The following NBPF15 variants were observed in gnomAD, a reference collection of about 807,000 sequenced individuals.
NBPF15 encodes NBPF member 15.
Under a neutral mutation model 62.2 loss-of-function variants are expected in NBPF15, and 74 were observed. That is an observed-to-expected ratio of 1.19 (90% CI 0.99 to 1.44). NBPF15 has a LOEUF of 1.44. Among genes scored for constraint, NBPF15 ranks in the 40% most tolerant of loss-of-function variants. NBPF15 has a pLI of 0.00. For missense variants in NBPF15, 790 were observed against 550.0 expected (o/e 1.44, Z -4.36); for synonymous variants, 244 against 209.7 (o/e 1.16, Z -1.41).
intron 6 of NBPF15, among the ~76,000 whole-genome samples, chr1:144,446,455 T>A (rs587718151): frequency 6.6e-6 from 1 of 152,430 alleles, no homozygotes; most frequent in East Asian, 1.9e-4. Flanking sequence ...TCTAGTATAA[T>A]GCTGAATTAA....
At position 144,439,928 on chromosome 1, in the gene NBPF15, G is replaced by T. The variant is rs1490030769; in HGVS notation, c.76C>A (p.Pro26Thr). The T allele has an allele frequency of 6.2e-7, 1 of 1,611,380 alleles. No homozygotes were observed. The highest frequency in any genetic ancestry group is 8.5e-7 in the Non-Finnish European group (1 of 1,179,192). Reference protein sequence around the residue: ...NILEINEKLRPQLAEKKQQFR... With the variant: ...NILEINEKLRTQLAEKKQQFR... ...TGCTGTTTCTTCTCTGCCAACTGGG[G>T]GCGCAATTTCTCATTGATTTCTAGA... Residue 26 changes from proline (P) to threonine (T), a missense_variant, in exon 8 of 22, where the codon CCC becomes ACC. Transcript: ENST00000581897.
chr1:144,437,468 C>T (rs1679366192), intron 9 of NBPF15, among the ~76,000 whole-genome samples: 1 of 145,228 alleles, frequency 6.9e-6, no homozygotes, highest in East Asian at 2.0e-4. Flanking sequence ...CCACTAGATA[C>T]AAAGCCATGT....
chr1:144,431,801 G>A (rs1674563140), intron 13 of NBPF15, among the ~76,000 whole-genome samples: 1 of 138,666 alleles, frequency 7.2e-6, no homozygotes, highest in Non-Finnish European at 1.5e-5. Flanking sequence ...CTTCATCCAT[G>A]CCCCTACAAA....
rs1438282346 is a variant in NBPF15 at position 144,435,175 on chromosome 1, G to A, written c.708C>T (p.Val236=). 4.4e-5 allele frequency: 71 copies of A among 1,612,984 alleles called. 1 individual carries two copies. In the Admixed American group the frequency reaches 4.7e-4, roughly 11 times the overall value. The change falls in exon 12 of 22, where the codon GTC becomes GTT. Residue 236 remains valine (V), a synonymous_variant. Transcript: ENST00000581897. The part of the protein sequence containing the change: ...KTKITFEEDK[V]DSTLIGSSSH... ...AGGATGAGCCAATGAGAGTTGAGTCGACTTTGTCTTCCTCAAATGTGATTT... is the reference window on the plus strand; with the variant it reads ...AGGATGAGCCAATGAGAGTTGAGTCAACTTTGTCTTCCTCAAATGTGATTT...
chr1:144,423,355 G>C (rs1553538641), intron 21 of NBPF15, 99 bp from the exon 22 acceptor site: 1 of 1,596,580 alleles, frequency 6.3e-7, no homozygotes, highest in Non-Finnish European at 8.5e-7. Context: ...GGTTAGAAAA[G>C]AAAAAGGATA....
intron 4 of NBPF15, among the ~76,000 whole-genome samples, chr1:144,452,735 G>GA (rs1481266194): frequency 6.7e-6 from 1 of 149,104 alleles, no homozygotes; most frequent in Admixed American, 6.7e-5. Flanking sequence ...CTCACAGCTA[G>GA]AAAAAAGCTG....
chr1:144,458,955 C>T (rs1427633797), intron 3 of NBPF15, among the ~76,000 whole-genome samples: 26 of 151,240 alleles, frequency 1.7e-4, no homozygotes, highest in Non-Finnish European at 3.0e-4. Flanking sequence ...GTGGGAGGAT[C>T]GCTTGAGCCA....
intron 14 of NBPF15, among the ~76,000 whole-genome samples, chr1:144,428,915 A>G (rs1333017284): frequency 5.9e-5 from 9 of 152,008 alleles, no homozygotes; most frequent in Non-Finnish European, 1.2e-4. Context: ...TATGTACACA[A>G]ATGAGCAATT....
intron 8 of NBPF15, 109 bp downstream of exon 8, chr1:144,439,720 G>A (rs1171231912): frequency 2.6e-4 from 199 of 759,812 alleles, no homozygotes; most frequent in Admixed American, 3.2e-4. Context: ...TGTTTTCCTA[G>A]AAGTACAGGA....
rs1234388929 is a variant in NBPF15 at position 144,427,149 on chromosome 1, A to T, written c.1214-51T>A. ...ACATATTAAGCTGGTTCTCCTACAC[A>T]CATAACAATCCACTGTCTAATCCTC... On this transcript the variant is annotated intron_variant, in intron 16 of 21. Coordinates refer to ENST00000581897, the MANE Select transcript of NBPF15 (RefSeq NM_001385408.1). 963 of 561,322 alleles carry T rather than the reference A, an allele frequency of 1.7e-3. 7 individuals are homozygous for T. The African/African-American group carries it at 0.018, about 11-fold the overall frequency. 34.8% of individuals were successfully genotyped at this position (561,322 alleles called of 1,614,324 possible). A position where few individuals can be genotyped will look rare whatever the true frequency, so the allele number is the denominator to read the frequency against.
chr1:144,429,273 A>T (rs1411924493), intron 14 of NBPF15, among the ~76,000 whole-genome samples: 1 of 148,866 alleles, frequency 6.7e-6, no homozygotes, highest in Non-Finnish European at 1.5e-5. Flanking sequence ...AGAAGTAGAC[A>T]AGGGTGACAC....
intron 13 of NBPF15, among the ~76,000 whole-genome samples, chr1:144,430,906 G>C (rs1673712292): frequency 6.6e-6 from 1 of 151,998 alleles, no homozygotes; most frequent in Non-Finnish European, 1.5e-5. Context: ...TGAAAACCAT[G>C]GCACGAGAAC....
chr1:144,455,470 A>G (rs587644924), intron 4 of NBPF15, among the ~76,000 whole-genome samples: 1 of 151,932 alleles, frequency 6.6e-6, no homozygotes, highest in Non-Finnish European at 1.5e-5. Flanking sequence ...TCTGAAACAC[A>G]TTATTCCTCT....
chr1:144,425,059 GACACACACAC>G (rs199782361), intron 19 of NBPF15, among the ~76,000 whole-genome samples, 197 bp from the exon 20 acceptor site: 238 of 92,552 alleles, frequency 2.6e-3, no homozygotes, highest in Non-Finnish European at 3.8e-3. Flanking sequence ...AAGACAGATA[GACACACACAC>G]ACACACACAC....
chr1:144,424,505 T>C (rs1381421154), intron 20 of NBPF15, among the ~76,000 whole-genome samples, 185 bp downstream of exon 20: 2 of 152,044 alleles, frequency 1.3e-5, no homozygotes, highest in African/African-American at 4.8e-5. Flanking sequence ...AGAGTCTTGC[T>C]CACTGACCCA....
At position 144,424,774 on chromosome 1, in the gene NBPF15, C is replaced by T; in HGVS notation, c.1579G>A (p.Glu527Lys). 1.7e-6 allele frequency: 1 copy of T among 594,342 alleles called. No individual in the cohort carries two copies. Among genetic ancestry groups the T allele is most frequent in the Non-Finnish European group, 2.9e-6 (1 of 342,828 alleles). 36.8% of individuals were successfully genotyped at this position (594,342 alleles called of 1,614,324 possible). Residue 527 changes from glutamate to lysine, a missense_variant, in exon 20 of 22, where the codon GAA becomes AAA. Physicochemically the swap from Glu to Lys is moderately conservative, Grantham distance 56 (BLOSUM62 1). Coordinates refer to ENST00000581897, the MANE Select transcript of NBPF15 (RefSeq NM_001385408.1). ...TAGGGCTGGCAGGAGTCAGGCTGTT[C>T]AAGACAACTGGAAGGAGTTGAATAA... ...RCYSTPSSCL[E>K]QPDSCQPYGS...
intron 6 of NBPF15, among the ~76,000 whole-genome samples, chr1:144,445,087 G>T (rs1228296982): frequency 1.3e-5 from 2 of 151,042 alleles, no homozygotes; most frequent in Non-Finnish European, 3.0e-5. Flanking sequence ...TCTCATTGTT[G>T]CACTGATTGA....
rs1667552121 is a variant in NBPF15 at position 144,423,851 on chromosome 1, C to T, written c.1769+19G>A. 8 of 763,788 alleles carry T rather than the reference C, an allele frequency of 1.0e-5. No individual in the cohort carries two copies. Among genetic ancestry groups the T allele is most frequent in the South Asian group, 2.7e-5 (2 of 74,506 alleles). The allele number at this position is 763,788 out of a possible 1,614,324, so 47.3% of individuals were successfully genotyped here. A position where few individuals can be genotyped will look rare whatever the true frequency, so the allele number is the denominator to read the frequency against. ...AGGTGTTAACACAGAATTAAGCATC[C>T]ACAATTGCTGAAAGTTACCTGGGGC... On this transcript the variant is annotated intron_variant, in intron 21 of 21. Coordinates refer to ENST00000581897, the MANE Select transcript of NBPF15 (RefSeq NM_001385408.1).
intron 21 of NBPF15, among the ~76,000 whole-genome samples, chr1:144,423,528 A>T (rs1667302484): frequency 6.6e-6 from 1 of 151,986 alleles, no homozygotes. Context: ...CTGGTAAGGG[A>T]GTAAAAGGAC....
Sources: gnomAD v4.1 joint callset for allele counts (sites outside exome capture counted in the v4.1 genomes callset) on GRCh38, gnomAD v4.1.1 for gene constraint, MANE v1.5 for transcripts, NCBI Gene and HGNC (gene_info 2026-07-23, HGNC 2026-07-21) for gene names.